The following TMEM117 variants were observed in gnomAD, a reference collection of about 807,000 sequenced individuals.
The protein encoded by TMEM117 is transmembrane protein 117.
TMEM117 carries 27 observed loss-of-function variants against 52.4 expected under a neutral mutation model. That is an observed-to-expected ratio of 0.51 (90% confidence interval 0.38 to 0.71). The LOEUF (loss-of-function observed/expected upper bound fraction) is 0.71, where lower values mean the gene tolerates loss of function less well. TMEM117 is among the 30% of genes least tolerant of loss of function. The pLI is 0.00. For missense variants in TMEM117, 556 were observed against 630.5 expected, an observed-to-expected ratio of 0.88 and a Z score of 1.26; for synonymous variants, 215 against 206.3, an observed-to-expected ratio of 1.04 and a Z score of -0.36.
rs551466923 is a variant in TMEM117, at chr12:43,968,826, C to G, written c.410+24484C>G. Among the ~76,000 whole-genome samples, 7 of 152,210 alleles carry G rather than the reference C, an allele frequency of 4.6e-5. 1 individual carries two copies. The South Asian group carries it at 1.5e-3, about 32-fold the overall frequency. ...TTTCAGTTATTTATGAGAAAGTACC[C>G]GTATTTAAAACTGTTTCCAGAATTG... On this transcript the variant is annotated intron_variant, in intron 3 of 7. Transcript: ENST00000266534.
At chr12:44,171,840 G>A (rs1760446550) in intron 4 of TMEM117, among the ~76,000 whole-genome samples, 1 of 152,076 alleles carries the variant, frequency 6.6e-6, no homozygotes, top group African/African-American at 2.4e-5. Context: ...TAACATTTTT[G>A]CTGAGAAGGA....
intron 4 of TMEM117, among the ~76,000 whole-genome samples, chr12:44,198,658 G>A (rs1763774540): frequency 6.6e-6 from 1 of 152,114 alleles, no homozygotes; most frequent in African/African-American, 2.4e-5. Context: ...GGAGAGCATG[G>A]AGGCTCCCAG....
chr12:44,341,612 G>A (rs1041517113), intron 6 of TMEM117, among the ~76,000 whole-genome samples: 1 of 152,096 alleles, frequency 6.6e-6, no homozygotes, highest in Non-Finnish European at 1.5e-5. Context: ...CTGCTCTGAG[G>A]TGGTCATCTT....
chr12:44,068,103 G>A lies in TMEM117; in HGVS notation c.411-75422G>A, dbSNP rs145946007. 1.1e-3 allele frequency among the ~76,000 whole-genome samples: 160 copies of A among 152,166 alleles called. 1 individual carries two copies. Among genetic ancestry groups the A allele is most frequent in the African/African-American group, 3.6e-3 (151 of 41,526 alleles). On this transcript the variant is annotated intron_variant, in intron 3 of 7. Coordinates refer to ENST00000266534, the MANE Select transcript of TMEM117 (RefSeq NM_032256.3). ...CTTCAGACATTTCTTCTGCAGCTTC[G>A]TCACTTTTTTCAGCCTTCACAGAAT...
chr12:43,896,636 G>A (rs1352441281), intron 2 of TMEM117, among the ~76,000 whole-genome samples: 2 of 144,954 alleles, frequency 1.4e-5, no homozygotes, highest in South Asian at 4.4e-4. Flanking sequence ...TTTTTTTTTT[G>A]TGGTCCACAC....
intron 3 of TMEM117, among the ~76,000 whole-genome samples, chr12:44,072,255 T>G (rs1381151628): frequency 1.3e-5 from 2 of 152,120 alleles, no homozygotes; most frequent in Admixed American, 1.3e-4. Flanking sequence ...CATGCTTTAT[T>G]TACTCTTTCC....
chr12:43,989,018 C>T (rs1347312542), intron 3 of TMEM117, among the ~76,000 whole-genome samples: 1 of 152,004 alleles, frequency 6.6e-6, no homozygotes, highest in Non-Finnish European at 1.5e-5. Flanking sequence ...CAAAAACCCT[C>T]CCTATACTCA....
At chr12:44,046,161 G>A (rs923285980) in intron 3 of TMEM117, among the ~76,000 whole-genome samples, 5 of 152,176 alleles carry the variant, frequency 3.3e-5, no homozygotes, top group South Asian at 4.1e-4. Flanking sequence ...TGATCCACTC[G>A]CAAAATTTTT....
At chr12:44,320,657 C>T (rs1157721103) in intron 6 of TMEM117, among the ~76,000 whole-genome samples, 3 of 152,218 alleles carry the variant, frequency 2.0e-5, no homozygotes, top group East Asian at 1.9e-4. Flanking sequence ...CCCCAGTGTG[C>T]GTGCTTCACT....
intron 3 of TMEM117, among the ~76,000 whole-genome samples, chr12:43,999,209 G>A (rs534366506): frequency 6.6e-5 from 10 of 152,102 alleles, no homozygotes; most frequent in Non-Finnish European, 1.2e-4. Context: ...TCTTGATCTG[G>A]ATGATAATTA....
At chr12:44,396,202 T>C in the TMEM117 span, among the ~76,000 whole-genome samples, 1 of 152,096 alleles carries the variant, frequency 6.6e-6, no homozygotes, top group African/African-American at 2.4e-5. Context: ...GCATCACTTG[T>C]ACCACTCAAC....
At chr12:44,133,889 T>C (rs1000921824) in intron 3 of TMEM117, among the ~76,000 whole-genome samples, 1 of 152,176 alleles carries the variant, frequency 6.6e-6, no homozygotes, top group African/African-American at 2.4e-5. Flanking sequence ...TCCAGCTCTA[T>C]TCTATACTAC....
At chr12:44,359,686 T>C (rs530487757) in intron 6 of TMEM117, among the ~76,000 whole-genome samples, 1 of 152,152 alleles carries the variant, frequency 6.6e-6, no homozygotes, top group East Asian at 1.9e-4. Flanking sequence ...CAGAGAAAAT[T>C]TCCGGGAATA....
intron 2 of TMEM117, among the ~76,000 whole-genome samples, chr12:43,940,330 G>A (rs1945024162): frequency 6.6e-6 from 1 of 152,062 alleles, no homozygotes; most frequent in Non-Finnish European, 1.5e-5. Flanking sequence ...CTTTGCACAG[G>A]CTCCATGTGA....
chr12:43,894,574 C>T (rs1565738687), intron 2 of TMEM117, among the ~76,000 whole-genome samples: 1 of 151,884 alleles, frequency 6.6e-6, no homozygotes, highest in Non-Finnish European at 1.5e-5. Flanking sequence ...CCAATAGGCC[C>T]CAGTGTATAC....
chr12:44,123,506 T>C (rs1361829576), intron 3 of TMEM117, among the ~76,000 whole-genome samples: 1 of 152,218 alleles, frequency 6.6e-6, no homozygotes, highest in African/African-American at 2.4e-5. Context: ...ATTGCCTAGA[T>C]TTCCTTCCAG....
chr12:44,265,464 TAATTCCAGTTA>T, intron 5 of TMEM117, among the ~76,000 whole-genome samples: 1 of 152,124 alleles, frequency 6.6e-6, no homozygotes, highest in African/African-American at 2.4e-5. Flanking sequence ...CTAAAAGCAG[TAATTCCAGTTA>T]GAAGGCTATG....
At chr12:44,284,016 T>C (rs888385766) in intron 5 of TMEM117, among the ~76,000 whole-genome samples, 5 of 152,134 alleles carry the variant, frequency 3.3e-5, no homozygotes, top group Non-Finnish European at 7.4e-5. Flanking sequence ...GCTGGGGCCA[T>C]GTAAGAAGTG....
At chr12:44,158,713 T>C (rs763593057) in intron 4 of TMEM117, among the ~76,000 whole-genome samples, 1 of 151,948 alleles carries the variant, frequency 6.6e-6, no homozygotes, top group East Asian at 1.9e-4. Flanking sequence ...AGTTGGAAAA[T>C]AACAAACTCT....
Sources: allele counts gnomAD v4.1 joint callset (sites outside exome capture counted in the v4.1 genomes callset), GRCh38; gene constraint gnomAD v4.1.1; transcripts MANE v1.5; gene names NCBI Gene and HGNC (gene_info 2026-07-23, HGNC 2026-07-21).